The following NID2 variants were observed in gnomAD, a reference collection of about 807,000 sequenced individuals.
NID2 encodes nidogen-2.
Under a neutral mutation model 145.4 loss-of-function variants are expected in NID2, and 83 were observed. The ratio of observed to expected loss-of-function variants is 0.57; its 90% CI spans 0.48 to 0.69. The LOEUF (loss-of-function observed/expected upper bound fraction) is 0.69, where lower values mean the gene tolerates loss of function less well. NID2 is among the 30% of genes least tolerant of loss of function. The pLI is 0.00. For missense variants in NID2, 1,807 were observed against 1,765.7 expected, an observed-to-expected ratio of 1.02 and a Z score of -0.42; for synonymous variants, 739 against 701.3, an observed-to-expected ratio of 1.05 and a Z score of -0.85.
At chr14:52,061,665 G>A (rs1459336085) in intron 2 of NID2, among the ~76,000 whole-genome samples, 1 of 152,156 alleles carries the variant, frequency 6.6e-6, no homozygotes, top group Non-Finnish European at 1.5e-5. Flanking sequence ...GGGACCAGGA[G>A]CCTGAATCAG....
chr14:52,065,482 T>TTTA (rs1893164414), intron 2 of NID2, among the ~76,000 whole-genome samples: 26 of 133,024 alleles, frequency 2.0e-4, no homozygotes, highest in African/African-American at 3.9e-4. Flanking sequence ...CCCCTTTCTT[T>TTTA]TTTATTTATT....
intron 2 of NID2, among the ~76,000 whole-genome samples, chr14:52,061,281 C>A (rs1288553612): frequency 1.3e-5 from 2 of 152,178 alleles, no homozygotes; most frequent in African/African-American, 4.8e-5. Context: ...TTCTCTGAAC[C>A]TCTGTAACAC....
At chr14:52,030,481 A>AAAAGAAAAGAAAAGAAAG (rs1555363676) in intron 9 of NID2, among the ~76,000 whole-genome samples, 2 of 115,382 alleles carry the variant, frequency 1.7e-5, no homozygotes, top group African/African-American at 6.4e-5. Context: ...CGAGAGAAAG[A>AAAAGAAAAGAAAAGAAAG]AAAGAAAGAA....
intron 13 of NID2, 30 bp from the exon 14 acceptor site, chr14:52,019,324 A>G (rs1248208538): frequency 1.6e-5 from 25 of 1,525,874 alleles, no homozygotes; most frequent in Non-Finnish European, 2.0e-5. Flanking sequence ...GGAAGACACA[A>G]AAGAGAAATA....
intron 11 of NID2, among the ~76,000 whole-genome samples, chr14:52,027,764 G>A (rs1424066027): frequency 2.1e-5 from 3 of 142,480 alleles, no homozygotes; most frequent in South Asian, 2.2e-4. Flanking sequence ...TCACTCTGTC[G>A]CCAGGCTGGA....
chr14:52,014,962 C>A (rs1891164291), intron 15 of NID2, 92 bp downstream of exon 15: 2 of 1,028,854 alleles, frequency 1.9e-6, no homozygotes, highest in Admixed American at 4.1e-5. Flanking sequence ...ACCTGGTGAC[C>A]CCACATGTCC....
chr14:52,005,640 G>T, intron 21 of NID2, 97 bp downstream of exon 21: 2 of 1,360,500 alleles, frequency 1.5e-6, no homozygotes, highest in Non-Finnish European at 2.1e-6. Context: ...AGAAGGCAAT[G>T]GTGGCAGTGT....
At position 52,068,790 on chromosome 14, in the gene NID2, C is replaced by T; in HGVS notation, c.205G>A (p.Glu69Lys). The T allele has an allele frequency of 6.2e-7, 1 of 1,606,492 alleles. No homozygotes were observed. Among genetic ancestry groups the T allele is most frequent in the Admixed American group, 1.7e-5 (1 of 60,024 alleles). ...VKLANPLHFY[E>K]ARFSNLYVGT... The stretch of plus-strand genomic sequence containing the variant: ...ACGTAGAGGTTGCTGAATCGGGCTT[C>T]GTAGAAGTGCAGGGGATTCGCCAGC... Residue 69 changes from glutamate (E) to lysine (K), a missense_variant, in exon 1 of 22, where the codon GAA becomes AAA. Transcript: ENST00000216286.
chr14:52,019,127 C>T lies in NID2; in HGVS notation c.2962G>A (p.Gly988Ser). 6.2e-7 allele frequency: 1 copy of T among 1,614,104 alleles called. No individual in the cohort carries two copies. Among genetic ancestry groups the T allele is most frequent in the Non-Finnish European group, 8.5e-7 (1 of 1,180,008 alleles). Residue 988 changes from glycine to serine, a missense_variant, in exon 14 of 22, where the codon GGT becomes AGT. Coordinates refer to ENST00000216286, the MANE Select transcript of NID2 (RefSeq NM_007361.4). The part of the protein sequence containing the change: ...TGFCWCVDPD[G>S]HEVPGTQTPP... ...GTCTGGGTACCAGGAACTTCATGACCATCAGGGTCCACGCACCAGCAGAAA... is the reference window on the plus strand; with the variant it reads ...GTCTGGGTACCAGGAACTTCATGACTATCAGGGTCCACGCACCAGCAGAAA...
intron 14 of NID2, among the ~76,000 whole-genome samples, chr14:52,018,555 T>C (rs1301400281): frequency 1.3e-5 from 2 of 152,204 alleles, no homozygotes; most frequent in Non-Finnish European, 2.9e-5. Context: ...GCTGGGATTG[T>C]CAGTTTAGAG....
intron 18 of NID2, chr14:52,010,430 G>GC (rs1305601424): frequency 6.4e-6 from 1 of 155,990 alleles, no homozygotes; most frequent in African/African-American, 2.4e-5. Flanking sequence ...CAACACTGAA[G>GC]CCAGAGGTGT....
intron 11 of NID2, among the ~76,000 whole-genome samples, chr14:52,027,649 C>CAG (rs1348411780): frequency 1.3e-5 from 2 of 151,244 alleles, no homozygotes; most frequent in African/African-American, 4.9e-5. Flanking sequence ...CACACACACA[C>CAG]ACACACACAC....
intron 7 of NID2, 95 bp downstream of exon 7, chr14:52,042,009 TC>T: frequency 7.0e-7 from 1 of 1,431,010 alleles, no homozygotes; most frequent in Non-Finnish European, 9.4e-7. Context: ...AACAAGTGAT[TC>T]CTCTGTCACT....
rs368363384 is a variant in NID2, at chr14:52,014,402, G to A, written c.3305C>T (p.Thr1102Ile). ...MVRPTPRPDV[T>I]PPSVGTFLLY... ...CAGGAAGGTGCCCACAGATGGAGGGGTCACATCTGGCCGGGGCGTGGGCCG... is the reference window on the plus strand; with the variant it reads ...CAGGAAGGTGCCCACAGATGGAGGGATCACATCTGGCCGGGGCGTGGGCCG... The change falls in exon 16 of 22, where the codon ACC (threonine) becomes ATC (isoleucine). Residue 1102 changes from threonine to isoleucine, a missense_variant. Thr to Ile is a moderately conservative substitution (Grantham distance 89). Transcript: ENST00000216286. The A allele has an allele frequency of 9.3e-6, 15 of 1,614,096 alleles. No homozygotes were observed. The African/African-American group carries it at 1.5e-4, about 16-fold the overall frequency.
chr14:52,006,785 AT>A, intron 19 of NID2, 125 bp from the exon 20 acceptor site: 1 of 1,009,750 alleles, frequency 9.9e-7, no homozygotes, highest in Non-Finnish European at 1.5e-6. Flanking sequence ...ACAGTCATAG[AT>A]TAGCAACTGT....
At position 52,005,820 on chromosome 14, in the gene NID2, C is replaced by T; in HGVS notation, c.4034G>A (p.Ser1345Asn). 6.2e-7 allele frequency: 1 copy of T among 1,613,416 alleles called. No homozygotes were observed. The highest frequency in any genetic ancestry group is 8.5e-7 in the Non-Finnish European group (1 of 1,179,426). The change falls in exon 21 of 22, where the codon AGT becomes AAT. Residue 1345 changes from serine (S) to asparagine (N), a missense_variant. By Grantham distance (46) the Ser-to-Asn change is conservative. Coordinates refer to ENST00000216286, the MANE Select transcript of NID2 (RefSeq NM_007361.4). ...RDGVVSVNKHSGQFTDEYLPE... is the reference protein window; with the variant it reads ...RDGVVSVNKHNGQFTDEYLPE... The stretch of plus-strand genomic sequence containing the variant: ...GAGATACTCATCAGTAAACTGGCCA[C>T]TATGTTTATTTACTGATACAACACC...
chr14:52,039,091 A>C, intron 8 of NID2, 114 bp from the exon 9 acceptor site: 1 of 782,208 alleles, frequency 1.3e-6, no homozygotes, highest in Non-Finnish European at 2.0e-6. Context: ...TCCCTTGGGA[A>C]CCTCCTGAGT....
intron 5 of NID2, among the ~76,000 whole-genome samples, chr14:52,045,170 T>C (rs1321675849): frequency 1.3e-5 from 2 of 152,192 alleles, no homozygotes; most frequent in African/African-American, 4.8e-5. Context: ...CGAGTCATAC[T>C]TTATAAACTG....
intron 2 of NID2, 104 bp downstream of exon 2, chr14:52,067,754 A>C (rs1188271463): frequency 7.4e-7 from 1 of 1,347,188 alleles, no homozygotes; most frequent in Non-Finnish European, 1.1e-6. Context: ...GTTCAGCGCA[A>C]GAGTAGGCTC....
Sources: gnomAD v4.1 joint callset for allele counts (sites outside exome capture counted in the v4.1 genomes callset) on GRCh38, gnomAD v4.1.1 for gene constraint, MANE v1.5 for transcripts, NCBI Gene and HGNC (gene_info 2026-07-23, HGNC 2026-07-21) for gene names.